The following RNF180 variants were observed in gnomAD, a reference collection of about 807,000 sequenced individuals.
The protein encoded by RNF180 is ring finger protein 180.
Under a neutral mutation model 59.2 loss-of-function variants are expected in RNF180, and 38 were observed. That is an observed-to-expected ratio of 0.64 (90% confidence interval 0.50 to 0.84). RNF180 has a LOEUF of 0.84. Among genes scored for constraint, RNF180 ranks in the 40% least tolerant of loss-of-function variants. The pLI, the probability that RNF180 is intolerant of heterozygous loss-of-function variation, is 0.00. For synonymous variants in RNF180, 262 were observed against 240.3 expected (o/e 1.09, Z -0.84); for missense variants, 705 against 700.9 (o/e 1.01, Z -0.07).
chr5:64,267,614 G>A (rs564286138), intron 5 of RNF180, among the ~76,000 whole-genome samples: 129 of 150,466 alleles, frequency 8.6e-4, no homozygotes, highest in Non-Finnish European at 1.5e-3. Flanking sequence ...TTGGTTTTTT[G>A]TTCTTGAGAT....
At chr5:64,238,742 C>T (rs1447230557) in intron 5 of RNF180, among the ~76,000 whole-genome samples, 1 of 152,156 alleles carries the variant, frequency 6.6e-6, no homozygotes, top group African/African-American at 2.4e-5. Flanking sequence ...AACCCCTTAT[C>T]AGAGATATGG....
intron 7 of RNF180, among the ~76,000 whole-genome samples, chr5:64,347,777 T>C (rs1745611850): frequency 6.6e-6 from 1 of 152,182 alleles, no homozygotes; most frequent in African/African-American, 2.4e-5. Context: ...TCTTTGCCTT[T>C]ACGAGTGTCA....
At chr5:64,331,331 G>A (rs1350877040) in intron 7 of RNF180, among the ~76,000 whole-genome samples, 1 of 152,228 alleles carries the variant, frequency 6.6e-6, no homozygotes, top group African/African-American at 2.4e-5. Flanking sequence ...CAAACCTGAA[G>A]ACTGGGGGCT....
intron 7 of RNF180, among the ~76,000 whole-genome samples, chr5:64,342,697 C>T (rs1407896267): frequency 6.6e-6 from 1 of 152,084 alleles, no homozygotes; most frequent in Admixed American, 6.6e-5. Flanking sequence ...AAAAGCACAG[C>T]TTTCAGATTA....
At chr5:64,279,813 C>T (rs1741915675) in intron 5 of RNF180, among the ~76,000 whole-genome samples, 1 of 152,090 alleles carries the variant, frequency 6.6e-6, no homozygotes, top group Non-Finnish European at 1.5e-5. Context: ...CCATTTTTGG[C>T]CAGACGTGGT....
intron 1 of RNF180, among the ~76,000 whole-genome samples, chr5:64,189,665 T>C (rs886505615): frequency 1.3e-5 from 2 of 152,112 alleles, no homozygotes; most frequent in African/African-American, 4.8e-5. Context: ...TACAAGGAAT[T>C]TTAAGCTAAA....
rs1752442420 is a variant in RNF180 at position 64,213,734 on chromosome 5, A to G, written c.408A>G (p.Lys136=). Reference sequence around the variant, plus strand: ...GCAGACTAATGAGACCATCAGTGAAATACTTGTCACATCCTAGAGTTCAGT... The same window carrying G: ...GCAGACTAATGAGACCATCAGTGAAGTACTTGTCACATCCTAGAGTTCAGT... ...QAGRLMRPSV[K]YLSHPRVQSG... is the part of the protein sequence containing the mutation. The change falls in exon 4 of 8, where the codon AAA becomes AAG. Residue 136 remains lysine (K), a synonymous_variant. Transcript: ENST00000389100. 6.2e-7 allele frequency: 1 copy of G among 1,614,074 alleles called. No homozygotes were observed. The highest frequency in any genetic ancestry group is 1.7e-5 in the Admixed American group (1 of 60,000).
At chr5:64,347,172 T>A (rs896388078) in intron 7 of RNF180, among the ~76,000 whole-genome samples, 3 of 152,040 alleles carry the variant, frequency 2.0e-5, no homozygotes, top group African/African-American at 7.2e-5. Flanking sequence ...CAAACTGGAG[T>A]TTAGCCAATA....
chr5:64,186,297 A>C (rs1750871815), intron 1 of RNF180, among the ~76,000 whole-genome samples: 1 of 152,106 alleles, frequency 6.6e-6, no homozygotes, highest in African/African-American at 2.4e-5. Flanking sequence ...TCAGACAAAT[A>C]CTTATTATCA....
rs182171437 is a variant in RNF180, at chr5:64,271,056, T to C, written c.1227+53660T>C. Among the ~76,000 whole-genome samples the C allele has an allele frequency of 1.1e-4, 16 of 152,188 alleles. No homozygotes were observed. The East Asian group carries it at 3.1e-3, about 29-fold the overall frequency. On this transcript the variant is annotated intron_variant, in intron 5 of 7. Coordinates refer to ENST00000389100, the MANE Select transcript of RNF180 (RefSeq NM_001113561.2). ...AAATACTTGATTTGAAGGAAACATA[T>C]TTCATTTGCTTGGTAATATTTCATG...
chr5:64,168,468 A>G (rs1739631048), intron 1 of RNF180, among the ~76,000 whole-genome samples: 1 of 152,218 alleles, frequency 6.6e-6, no homozygotes, highest in East Asian at 1.9e-4. Flanking sequence ...GTGTATGTGC[A>G]CATTTGCATG....
Position 64,370,955 on chromosome 5 carries a change from G to C in RNF180, c.*1141G>C, listed in dbSNP as rs910363968. On this transcript the variant is annotated 3_prime_UTR_variant, in exon 8 of 8. Coordinates refer to ENST00000389100, the MANE Select transcript of RNF180 (RefSeq NM_001113561.2). ...AATAAGCAAACTTTTACATAAAATA[G>C]GTGACTCTCTCGTGGCACTAAAAAT... is the stretch of plus-strand genomic sequence containing the variant. The C allele has an allele frequency of 6.6e-5, 10 of 151,482 alleles. No individual in the cohort carries two copies. The highest frequency in any genetic ancestry group is 1.9e-4 in the African/African-American group (8 of 41,328). 9.4% of individuals were successfully genotyped at this position (151,482 alleles called of 1,614,324 possible). A position where few individuals can be genotyped will look rare whatever the true frequency, so the allele number is the denominator to read the frequency against.
intron 5 of RNF180, among the ~76,000 whole-genome samples, chr5:64,290,409 G>A (rs1742516043): frequency 6.6e-6 from 1 of 152,180 alleles, no homozygotes; most frequent in African/African-American, 2.4e-5. Context: ...ATCCAGAGCT[G>A]AGTTTAGGTC....
At chr5:64,236,798 G>A (rs1326861420) in intron 5 of RNF180, among the ~76,000 whole-genome samples, 1 of 152,174 alleles carries the variant, frequency 6.6e-6, no homozygotes, top group African/African-American at 2.4e-5. Context: ...GCTAAAAGGG[G>A]TCAAGGAACA....
chr5:64,212,108 G>C lies in RNF180; in HGVS notation c.179G>C (p.Trp60Ser), dbSNP rs1752343256. Residue 60 changes from tryptophan (W) to serine (S), a missense_variant, in exon 3 of 8, where the codon TGG (tryptophan) becomes TCG (serine). Trp to Ser is a radical substitution (Grantham distance 177, BLOSUM62 -3). Coordinates refer to ENST00000389100, the MANE Select transcript of RNF180 (RefSeq NM_001113561.2). ...SVDAQNICHV[W>S]HMNVEALPEW... Reference sequence around the variant, plus strand: ...GATGCTCAAAATATTTGTCATGTGTGGCACATGAATGTAGAAGCCCTTCCA... The same window carrying C: ...GATGCTCAAAATATTTGTCATGTGTCGCACATGAATGTAGAAGCCCTTCCA... 4 of 1,607,442 alleles carry C rather than the reference G, an allele frequency of 2.5e-6. No homozygotes were observed. Among genetic ancestry groups the C allele is most frequent in the Non-Finnish European group, 3.4e-6 (4 of 1,174,338 alleles).
chr5:64,268,747 C>T (rs569043837), intron 5 of RNF180, among the ~76,000 whole-genome samples: 1 of 152,262 alleles, frequency 6.6e-6, no homozygotes, highest in Non-Finnish European at 1.5e-5. Context: ...CAGCCAAAAA[C>T]CTAGTCCATC....
chr5:64,369,468 A>AT, intron 7 of RNF180, 147 bp from the exon 8 acceptor site: 2 of 360,974 alleles, frequency 5.5e-6, no homozygotes, highest in Middle Eastern at 6.9e-4. Context: ...AATAATAATA[A>AT]AAAAAAAAGA....
intron 5 of RNF180, among the ~76,000 whole-genome samples, chr5:64,265,577 T>C (rs981191525): frequency 6.6e-6 from 1 of 152,150 alleles, no homozygotes; most frequent in African/African-American, 2.4e-5. Context: ...TTCTGTTTCA[T>C]TGGTCTATAT....
At chr5:64,193,765 C>A (rs1751301909) in intron 1 of RNF180, among the ~76,000 whole-genome samples, 1 of 151,970 alleles carries the variant, frequency 6.6e-6, no homozygotes, top group Admixed American at 6.6e-5. Flanking sequence ...ATAAGTAATC[C>A]CTGTATGGGC....
Sources: gnomAD v4.1 joint callset for allele counts (sites outside exome capture counted in the v4.1 genomes callset) on GRCh38, gnomAD v4.1.1 for gene constraint, MANE v1.5 for transcripts, NCBI Gene and HGNC (gene_info 2026-07-23, HGNC 2026-07-21) for gene names.